HMG20A: variants seen among roughly 807,000 people sequenced by gnomAD.
The protein encoded by HMG20A is high mobility group protein 20A.
Under a neutral mutation model 43.9 loss-of-function variants are expected in HMG20A, and 17 were observed. That is an observed-to-expected ratio of 0.39 (90% CI 0.27 to 0.58). The LOEUF (loss-of-function observed/expected upper bound fraction) is 0.58. HMG20A is among the 20% of genes least tolerant of loss of function. HMG20A has a pLI of 0.59. For missense variants in HMG20A, 341 were observed against 438.2 expected, an observed-to-expected ratio of 0.78 and a Z score of 1.98; for synonymous variants, 132 against 147.5, an observed-to-expected ratio of 0.89 and a Z score of 0.76.
At chr15:77,461,004 A>C (rs1481988277) in intron 2 of HMG20A, among the ~76,000 whole-genome samples, 2 of 152,166 alleles carry the variant, frequency 1.3e-5, no homozygotes, top group Non-Finnish European at 2.9e-5. Flanking sequence ...AAAAGAAAAA[A>C]AAGTCAGAAA....
At position 77,467,607 on chromosome 15, in the gene HMG20A, A is replaced by G. The variant is rs747659611; in HGVS notation, c.450+300A>G. ...TGGTTCAGTATTAAGAAATCTGTCA[A>G]TAAAATGTATTCCACTGAGTTAAAT... On this transcript the variant is annotated intron_variant, in intron 4 of 9. Coordinates refer to ENST00000336216, the MANE Select transcript of HMG20A (RefSeq NM_001304504.2). 2.6e-5 allele frequency among the ~76,000 whole-genome samples: 4 copies of G among 152,230 alleles called. 1 individual carries two copies. Among genetic ancestry groups the G allele is most frequent in the Non-Finnish European group, 5.9e-5 (4 of 68,040 alleles).
At chr15:77,516,687 C>A in the HMG20A span, among the ~76,000 whole-genome samples, 1 of 151,978 alleles carries the variant, frequency 6.6e-6, no homozygotes, top group African/African-American at 2.4e-5. Context: ...AACTCCACCC[C>A]GAGGCTTTGC....
At chr15:77,514,748 C>T in the HMG20A span, among the ~76,000 whole-genome samples, 192 of 152,312 alleles carry the variant, frequency 1.3e-3, no homozygotes, top group African/African-American at 4.5e-3. Context: ...GACATAATCA[C>T]ATTGCATTGT....
At chr15:77,464,539 G>A (rs998191134) in intron 3 of HMG20A, 152 bp downstream of exon 3, 15 of 590,510 alleles carry the variant, frequency 2.5e-5, no homozygotes, top group Non-Finnish European at 3.9e-5. Flanking sequence ...TGTTTTATAC[G>A]GAACCATATT....
intron 1 of HMG20A, among the ~76,000 whole-genome samples, chr15:77,441,699 C>T (rs903177250): frequency 1.3e-5 from 2 of 152,076 alleles, no homozygotes; most frequent in African/African-American, 4.8e-5. Context: ...TGCTTTTTGT[C>T]TCCAAATTTT....
Position 77,459,355 on chromosome 15 carries a change from G to T in HMG20A, c.89+859G>T, listed in dbSNP as rs79303816. ...CTATGTGTCATTGTTCCAGGCATTAGATAGAAAGCATTGATCAAAATAGAT... is the reference window on the plus strand; with the variant it reads ...CTATGTGTCATTGTTCCAGGCATTATATAGAAAGCATTGATCAAAATAGAT... On this transcript the variant is annotated intron_variant, in intron 2 of 9. Coordinates refer to ENST00000336216, the MANE Select transcript of HMG20A (RefSeq NM_001304504.2). Among the ~76,000 whole-genome samples, 649 of 152,248 alleles carry T rather than the reference G, an allele frequency of 4.3e-3. 1 individual carries two copies. Among genetic ancestry groups the T allele is most frequent in the African/African-American group, 0.013 (554 of 41,528 alleles).
intron 1 of HMG20A, among the ~76,000 whole-genome samples, chr15:77,441,164 C>G (rs183157686): frequency 6.6e-6 from 1 of 152,120 alleles, no homozygotes; most frequent in African/African-American, 2.4e-5. Flanking sequence ...ATAAGAAAAC[C>G]TTGGTTTGGA....
the HMG20A span, among the ~76,000 whole-genome samples, chr15:77,495,595 G>A: frequency 1.3e-5 from 2 of 151,994 alleles, no homozygotes; most frequent in South Asian, 2.1e-4. Context: ...AGTGGAAAAC[G>A]GCATCAAGGA....
intron 1 of HMG20A, among the ~76,000 whole-genome samples, chr15:77,438,161 T>TA (rs71145833): frequency 2.7e-5 from 4 of 147,764 alleles, no homozygotes; most frequent in African/African-American, 1.0e-4. Context: ...TTTTTTTTTT[T>TA]AGAGACAGGA....
At chr15:77,453,906 C>A (rs780531589) in intron 1 of HMG20A, among the ~76,000 whole-genome samples, 39 of 151,750 alleles carry the variant, frequency 2.6e-4, no homozygotes, top group Non-Finnish European at 5.3e-4. Flanking sequence ...CATGATGGCT[C>A]ACGCCTATTA....
chr15:77,426,640 T>A (rs1207710684), intron 1 of HMG20A, among the ~76,000 whole-genome samples: 1 of 152,110 alleles, frequency 6.6e-6, no homozygotes, highest in Non-Finnish European at 1.5e-5. Context: ...GTTCAACCCA[T>A]GTTGTTCAAG....
intron 4 of HMG20A, 30 bp from the exon 5 acceptor site, chr15:77,470,880 C>T (rs755191916): frequency 6.5e-7 from 1 of 1,532,314 alleles, no homozygotes; most frequent in Non-Finnish European, 8.7e-7. Flanking sequence ...ATCTCATTTT[C>T]TTGAAAATAA....
chr15:77,471,014 C>G lies in HMG20A; in HGVS notation c.555C>G (p.Asp185Glu). Reference sequence around the variant, plus strand: ...AGGTCTTCAGTAGGAAAACCCAGGACCGTCAGAAAGGCAAATCTCATAGGC... The same window carrying G: ...AGGTCTTCAGTAGGAAAACCCAGGAGCGTCAGAAAGGCAAATCTCATAGGC... ...AYKVFSRKTQ[D>E]RQKGKSHRQD... Residue 185 changes from aspartate to glutamate, a missense_variant, in exon 5 of 10, where the codon GAC (aspartate) becomes GAG (glutamate). By Grantham distance (45) the Asp-to-Glu change is conservative (BLOSUM62 2). Around this residue, in one of 3 missense-constraint regions of HMG20A, gnomAD observed 220 missense variants for 263.6 expected, o/e 0.83. Coordinates refer to ENST00000336216, the MANE Select transcript of HMG20A (RefSeq NM_001304504.2). 2 of 1,612,110 alleles carry G rather than the reference C, an allele frequency of 1.2e-6. No homozygotes were observed. The highest frequency in any genetic ancestry group is 2.2e-5 in the East Asian group (1 of 44,748).
At chr15:77,458,213 G>A (rs1388851559) in intron 1 of HMG20A, 191 bp from the exon 2 acceptor site, 1 of 464,138 alleles carries the variant, frequency 2.2e-6, no homozygotes, top group Non-Finnish European at 3.9e-6. Context: ...CAGTTGATAA[G>A]ACCAAGGTTA....
At position 77,483,968 on chromosome 15, in the gene HMG20A, A is replaced by G. The variant is rs1188165484; in HGVS notation, c.*1005A>G. 6.6e-6 allele frequency: 1 copy of G among 152,234 alleles called. No individual in the cohort carries two copies. The highest frequency in any genetic ancestry group is 2.4e-5 in the African/African-American group (1 of 41,464). The allele number at this position is 152,234 out of a possible 1,614,324, so 9.4% of individuals were successfully genotyped here. On this transcript the variant is annotated 3_prime_UTR_variant, in exon 10 of 10. Coordinates refer to ENST00000336216, the MANE Select transcript of HMG20A (RefSeq NM_001304504.2). ...AGTCACTTGAGCTCACAAAAAAAGC[A>G]AGGAAGAATTCTCATGTCCTTTGTC...
chr15:77,477,400 T>A (rs551764805), intron 6 of HMG20A, among the ~76,000 whole-genome samples, 155 bp from the exon 7 acceptor site: 50 of 152,356 alleles, frequency 3.3e-4, no homozygotes, highest in African/African-American at 1.2e-3. Context: ...TGGATTCCAA[T>A]GAAAAGATGA....
At chr15:77,500,806 G>A in the HMG20A span, among the ~76,000 whole-genome samples, 1 of 151,236 alleles carries the variant, frequency 6.6e-6, no homozygotes, top group Non-Finnish European at 1.5e-5. Context: ...TGACCTCAGG[G>A]GATCCACCTG....
intron 2 of HMG20A, among the ~76,000 whole-genome samples, chr15:77,459,691 A>G (rs1183264050): frequency 1.3e-5 from 2 of 152,216 alleles, no homozygotes; most frequent in Non-Finnish European, 2.9e-5. Context: ...TTTCCATCTT[A>G]TCGAAATAGC....
chr15:77,501,296 C>A, the HMG20A span, among the ~76,000 whole-genome samples: 1 of 152,232 alleles, frequency 6.6e-6, no homozygotes, highest in South Asian at 2.1e-4. Context: ...CTGATTTCCA[C>A]ACCCACCACC....
Sources: gnomAD v4.1 joint callset for allele counts (sites outside exome capture counted in the v4.1 genomes callset) on GRCh38, gnomAD v4.1.1 for gene constraint, gnomAD v4.1.1 regional missense constraint, MANE v1.5 for transcripts, NCBI Gene and HGNC (gene_info 2026-07-23, HGNC 2026-07-21) for gene names.